Variants in TRMT10B observed in about 807,000 individuals in gnomAD.
TRMT10B encodes the protein tRNA methyltransferase 10 homolog B.
TRMT10B carries 33 observed loss-of-function variants against 43.8 expected under a neutral mutation model. The ratio of observed to expected loss-of-function variants is 0.75; its 90% confidence interval spans 0.57 to 1.01. The LOEUF (loss-of-function observed/expected upper bound fraction) is 1.01, where lower values mean the gene tolerates loss of function less well. Among genes scored for constraint, TRMT10B ranks in the 50% least tolerant of loss-of-function variants. TRMT10B has a pLI of 0.00. For synonymous variants in TRMT10B, 137 were observed against 130.6 expected (o/e 1.05, Z -0.34); for missense variants, 362 against 369.8 (o/e 0.98, Z 0.17).
At chr9:37,758,190 T>C (rs1244271108) in intron 1 of TRMT10B, among the ~76,000 whole-genome samples, 1 of 152,310 alleles carries the variant, frequency 6.6e-6, no homozygotes, top group East Asian at 1.9e-4. Context: ...GGCAGGCGGA[T>C]TGCTTGAGTC....
intron 4 of TRMT10B, among the ~76,000 whole-genome samples, chr9:37,764,042 C>T (rs1826710455): frequency 6.6e-6 from 1 of 152,196 alleles, no homozygotes; most frequent in African/African-American, 2.4e-5. Context: ...TGGAACCTTT[C>T]AGGTTCAGTT....
chr9:37,760,730 T>C (rs545437153), intron 1 of TRMT10B, among the ~76,000 whole-genome samples: 6 of 152,312 alleles, frequency 3.9e-5, no homozygotes, highest in African/African-American at 1.2e-4. Flanking sequence ...TACTTTTCAT[T>C]GTAGTTTTTT....
chr9:37,773,271 CTAAT>C (rs1403694267), intron 7 of TRMT10B, among the ~76,000 whole-genome samples: 1 of 131,596 alleles, frequency 7.6e-6, no homozygotes, highest in Non-Finnish European at 1.7e-5. Flanking sequence ...CCATGGCCAG[CTAAT>C]TTTTTTTTTT....
chr9:37,772,424 T>A (rs563728066), intron 7 of TRMT10B, among the ~76,000 whole-genome samples: 1 of 151,932 alleles, frequency 6.6e-6, no homozygotes, highest in Non-Finnish European at 1.5e-5. Context: ...ATTGCTGGGA[T>A]TACGGGTGTG....
rs1826504892 is a variant in TRMT10B, at chr9:37,762,771, A to G, written c.295+86A>G. The G allele has an allele frequency of 1.1e-5, 16 of 1,439,906 alleles. No homozygotes were observed. In the Admixed American group the frequency reaches 2.7e-4, roughly 24 times the overall value. The allele number at this position is 1,439,906 out of a possible 1,614,324, so 89.2% of individuals were successfully genotyped here. A position where few individuals can be genotyped will look rare whatever the true frequency, so the allele number is the denominator to read the frequency against. ...GTTCCAATGAGAGTAGGAATTTTGT[A>G]TAAGTAAAAAGCATCTGGGATGTGG... On this transcript the variant is annotated intron_variant, in intron 3 of 8. Transcript: ENST00000297994.
At chr9:37,757,044 A>G (rs936269989) in intron 1 of TRMT10B, among the ~76,000 whole-genome samples, 1 of 151,242 alleles carries the variant, frequency 6.6e-6, no homozygotes, top group Non-Finnish European at 1.5e-5. Flanking sequence ...TTCACTGTTC[A>G]TTCATGTGGA....
intron 4 of TRMT10B, chr9:37,767,531 A>AAAAAAAAAAAAAAAAAAAAAAAAC (rs1329142365): frequency 6.9e-6 from 1 of 144,614 alleles, no homozygotes; most frequent in African/African-American, 2.5e-5. Context: ...AAAAAAAAAA[A>AAAAAAAAAAAAAAAAAAAAAAAAC]AAAATCCATA....
At position 37,763,849 on chromosome 9, in the gene TRMT10B, G is replaced by A. The variant is rs769953422; in HGVS notation, c.420+96G>A. On this transcript the variant is annotated intron_variant, in intron 4 of 8. Transcript: ENST00000297994. ...GAATATGGTCAACTCCAGCTTCTGG[G>A]ATTCCTTAGTAAACTAGTAAAGTGT... 2.5e-6 allele frequency: 4 copies of A among 1,605,626 alleles called. No homozygotes were observed. In the South Asian group the frequency reaches 4.5e-5, roughly 18 times the overall value.
rs544869607 is a variant in TRMT10B, at chr9:37,768,299, T to C, written c.573+71T>C. 206 of 1,437,720 alleles carry C rather than the reference T, an allele frequency of 1.4e-4. 2 individuals carry two copies. The South Asian group carries it at 2.6e-3, about 18-fold the overall frequency. The allele number at this position is 1,437,720 out of a possible 1,614,324, so 89.1% of individuals were successfully genotyped here. On this transcript the variant is annotated intron_variant, in intron 5 of 8. Coordinates refer to ENST00000297994, the MANE Select transcript of TRMT10B (RefSeq NM_144964.4). ...ATTGTGGTTAATAGTATTTTTTTTT[T>C]ACTTTTTCATATATGTTACATTTTC...
At chr9:37,752,977 T>TA (rs1179899049), upstream of TRMT10B, among the ~76,000 whole-genome samples, 1 of 152,136 alleles carries the variant, frequency 6.6e-6, no homozygotes, top group East Asian at 1.9e-4. Context: ...TGCTAACCCT[T>TA]TGGGTCCCTA....
At position 37,777,751 on chromosome 9, in the gene TRMT10B, A is replaced by T. The variant is rs923653352; in HGVS notation, c.*44A>T. 1 of 1,521,848 alleles carries T rather than the reference A, an allele frequency of 6.6e-7. No homozygotes were observed. The highest frequency in any genetic ancestry group is 2.3e-5 in the East Asian group (1 of 44,368). The allele number at this position is 1,521,848 out of a possible 1,614,324, so 94.3% of individuals were successfully genotyped here. A position where few individuals can be genotyped will look rare whatever the true frequency, so the allele number is the denominator to read the frequency against. On this transcript the variant is annotated 3_prime_UTR_variant, in exon 9 of 9. Coordinates refer to ENST00000297994, the MANE Select transcript of TRMT10B (RefSeq NM_144964.4). ...TGCGTGGCCAGGTGCTCACGCCGTA[A>T]TGCCAACACTTTGGTAGACCGAAGT...
At chr9:37,764,680 T>C (rs1826791910) in intron 4 of TRMT10B, among the ~76,000 whole-genome samples, 1 of 152,042 alleles carries the variant, frequency 6.6e-6, no homozygotes, top group Non-Finnish European at 1.5e-5. Flanking sequence ...TGCCTCAGCC[T>C]CCCAAAGTGC....
At chr9:37,769,341 A>AAAAC (rs1827307155) in intron 5 of TRMT10B, among the ~76,000 whole-genome samples, 1 of 139,948 alleles carries the variant, frequency 7.1e-6, no homozygotes, top group Non-Finnish European at 1.5e-5. Flanking sequence ...AAAAAAAAAA[A>AAAAC]TCTCCTTTCA....
At chr9:37,774,608 A>G (rs904814670) in intron 7 of TRMT10B, among the ~76,000 whole-genome samples, 2 of 152,372 alleles carry the variant, frequency 1.3e-5, no homozygotes, top group Non-Finnish European at 2.9e-5. Context: ...CTGTACTTCA[A>G]AGTGATTATA....
chr9:37,761,491 G>C (rs769425967), intron 1 of TRMT10B, among the ~76,000 whole-genome samples: 2 of 152,174 alleles, frequency 1.3e-5, no homozygotes, highest in Non-Finnish European at 2.9e-5. Context: ...TTGAGGTCAG[G>C]AGTCCGAGAC....
rs779174017 is a variant in TRMT10B, at chr9:37,778,317, C to G, written c.*610C>G. 6.6e-6 allele frequency: 1 copy of G among 152,384 alleles called. No individual in the cohort carries two copies. Among genetic ancestry groups the G allele is most frequent in the Non-Finnish European group, 1.5e-5 (1 of 68,278 alleles). 9.4% of individuals were successfully genotyped at this position (152,384 alleles called of 1,614,324 possible). On this transcript the variant is annotated 3_prime_UTR_variant, in exon 9 of 9. Transcript: ENST00000297994. ...GGATTACAAGGTCAGGAGTTCCAGA[C>G]CAGCCTGGCTAATATGGTGAAACCT...
chr9:37,770,093 T>A, intron 6 of TRMT10B, 74 bp downstream of exon 6: 1 of 1,368,322 alleles, frequency 7.3e-7, no homozygotes. Context: ...CAGAATTTAT[T>A]AAAGCCCCTC....
chr9:37,771,264 TAA>T (rs1190414174), intron 7 of TRMT10B, among the ~76,000 whole-genome samples: 1 of 152,186 alleles, frequency 6.6e-6, no homozygotes, highest in African/African-American at 2.4e-5. Context: ...ACATAGATAA[TAA>T]GTTTAATAAA....
chr9:37,755,873 C>G (rs1484447197), intron 1 of TRMT10B, among the ~76,000 whole-genome samples: 2 of 150,130 alleles, frequency 1.3e-5, no homozygotes, highest in Non-Finnish European at 3.0e-5. Context: ...ATACTGTGAA[C>G]TCTTAAGTGT....
Sources: gnomAD v4.1 joint callset for allele counts (sites outside exome capture counted in the v4.1 genomes callset) on GRCh38, gnomAD v4.1.1 for gene constraint, MANE v1.5 for transcripts, NCBI Gene and HGNC (gene_info 2026-07-23, HGNC 2026-07-21) for gene names.